HSBP1: variants seen among roughly 807,000 people sequenced by gnomAD.
HSBP1 encodes the protein heat shock factor-binding protein 1.
A neutral mutation model predicts 9.6 loss-of-function variants in HSBP1; 5 were observed. The ratio of observed to expected loss-of-function variants is 0.52; its 90% CI spans 0.27 to 1.09. The LOEUF (loss-of-function observed/expected upper bound fraction) is 1.09, where lower values mean the gene tolerates loss of function less well. Ranked by LOEUF, HSBP1 falls within the 50% of genes least tolerant of loss-of-function variation. The probability of loss-of-function intolerance (pLI) is 0.11; values close to 1 mark genes in which losing one functional copy is unlikely to be tolerated. For missense variants in HSBP1, 121 were observed against 96.3 expected, an observed-to-expected ratio of 1.26 and a Z score of -1.07; for synonymous variants, 42 against 33.3, an observed-to-expected ratio of 1.26 and a Z score of -0.90.
chr16:83,808,388 C>G, intron 1 of HSBP1: 1 of 556,300 alleles, frequency 1.8e-6, no homozygotes, highest in East Asian at 3.1e-5. Context: ...CTCCCGCCTA[C>G]CTCTGACACC....
At position 83,812,278 on chromosome 16, in the gene HSBP1, A is replaced by G. The variant is rs573475645; in HGVS notation, c.*860A>G. The G allele has an allele frequency of 1.3e-4, 20 of 152,720 alleles. No homozygotes were observed. The highest frequency in any genetic ancestry group is 5.9e-5 in the Non-Finnish European group (4 of 68,034). The allele number at this position is 152,720 out of a possible 1,614,324, so 9.5% of individuals were successfully genotyped here. On this transcript the variant is annotated 3_prime_UTR_variant, in exon 4 of 4. Transcript: ENST00000433866. ...AAGGAAAAGAGACCATATTAAGTCC[A>G]TGCCAGTTGCTTGGCTAGAATATGA... is the stretch of plus-strand genomic sequence containing the variant.
rs1904600113 is a variant in HSBP1 at position 83,811,492 on chromosome 16, A to G, written c.*74A>G. On this transcript the variant is annotated 3_prime_UTR_variant, in exon 4 of 4. Transcript: ENST00000433866. ...GAAGATCGAATGGCTTTTTGCAGCT[A>G]ACTACTATGTGTAGACAGGTTTTAT... The G allele has an allele frequency of 6.6e-6, 1 of 152,230 alleles. No homozygotes were observed. The highest frequency in any genetic ancestry group is 1.5e-5 in the Non-Finnish European group (1 of 68,036). 9.4% of individuals were successfully genotyped at this position (152,230 alleles called of 1,614,324 possible). A position where few individuals can be genotyped will look rare whatever the true frequency, so the allele number is the denominator to read the frequency against.
chr16:83,811,354 C>T (rs1290810016), intron 3 of HSBP1, 67 bp from the exon 4 acceptor site: 1 of 152,180 alleles, frequency 6.6e-6, no homozygotes, highest in Non-Finnish European at 1.5e-5. Flanking sequence ...GTTGATAGGT[C>T]TATATGTCAT....
rs999169620 is a variant in HSBP1, at chr16:83,818,407, C to T, written c.*6989C>T. 1.3e-5 allele frequency: 2 copies of T among 152,202 alleles called. No individual in the cohort carries two copies. Among genetic ancestry groups the T allele is most frequent in the South Asian group, 4.1e-4 (2 of 4,830 alleles). 9.4% of individuals were successfully genotyped at this position (152,202 alleles called of 1,614,324 possible). A position where few individuals can be genotyped will look rare whatever the true frequency, so the allele number is the denominator to read the frequency against. ...GTTCCCTGCCATCCACTCTGCCAGACATTTCTTGGATTTATTCAAGCTGAC... is the reference window on the plus strand; with the variant it reads ...GTTCCCTGCCATCCACTCTGCCAGATATTTCTTGGATTTATTCAAGCTGAC... On this transcript the variant is annotated 3_prime_UTR_variant, in exon 4 of 4. Coordinates refer to ENST00000433866, the MANE Select transcript of HSBP1 (RefSeq NM_001537.4).
In HSBP1 at chr16:83,812,375, T is replaced by G. The variant is rs180677200; in HGVS notation, c.*957T>G. On this transcript the variant is annotated 3_prime_UTR_variant, in exon 4 of 4. Coordinates refer to ENST00000433866, the MANE Select transcript of HSBP1 (RefSeq NM_001537.4). Reference sequence around the variant, plus strand: ...TTAAACTGTTTCTTATCTAAATTCTTGCAGAGTGTCAATGTTATCATTGAT... The same window carrying G: ...TTAAACTGTTTCTTATCTAAATTCTGGCAGAGTGTCAATGTTATCATTGAT... 2.6e-3 allele frequency: 393 copies of G among 152,318 alleles called. 1 individual carries two copies. Among genetic ancestry groups the G allele is most frequent in the African/African-American group, 9.0e-3 (373 of 41,544 alleles). 9.4% of individuals were successfully genotyped at this position (152,318 alleles called of 1,614,324 possible).
rs750709423 is a variant in HSBP1, at chr16:83,815,705, T to C, written c.*4287T>C. On this transcript the variant is annotated 3_prime_UTR_variant, in exon 4 of 4. Transcript: ENST00000433866. ...GCTGTCTCATCAACAGAGCTTCATTTTACCAAAGCATATGTAGACACCACA... is the reference window on the plus strand; with the variant it reads ...GCTGTCTCATCAACAGAGCTTCATTCTACCAAAGCATATGTAGACACCACA... The C allele has an allele frequency of 1.3e-5, 2 of 152,164 alleles. No homozygotes were observed. The highest frequency in any genetic ancestry group is 1.5e-5 in the Non-Finnish European group (1 of 68,026). The allele number at this position is 152,164 out of a possible 1,614,324, so 9.4% of individuals were successfully genotyped here.
Position 83,816,432 on chromosome 16 carries a change from T to C in HSBP1, c.*5014T>C, listed in dbSNP as rs999571148. The C allele has an allele frequency of 2.0e-5, 3 of 151,922 alleles. No individual in the cohort carries two copies. The highest frequency in any genetic ancestry group is 4.4e-5 in the Non-Finnish European group (3 of 67,980). The allele number at this position is 151,922 out of a possible 1,614,324, so 9.4% of individuals were successfully genotyped here. On this transcript the variant is annotated 3_prime_UTR_variant, in exon 4 of 4. Transcript: ENST00000433866. ...AAAAAACAAAAAAATAAATAAAAAA[T>C]AAAAAGACCCAACCCCAGATTTGTT...
At position 83,817,482 on chromosome 16, in the gene HSBP1, C is replaced by A. The variant is rs1389814310; in HGVS notation, c.*6064C>A. ...CTGCTTTCACCTGTATCATCTCATT[C>A]ACTGCTCAGAGGCTCTCGAAAGCTG... On this transcript the variant is annotated 3_prime_UTR_variant, in exon 4 of 4. Transcript: ENST00000433866. The A allele has an allele frequency of 6.6e-6, 1 of 152,168 alleles. No individual in the cohort carries two copies. The highest frequency in any genetic ancestry group is 1.5e-5 in the Non-Finnish European group (1 of 68,026). 9.4% of individuals were successfully genotyped at this position (152,168 alleles called of 1,614,324 possible).
Position 83,814,399 on chromosome 16 carries a change from AATG to A in HSBP1, c.*2986_*2988del, listed in dbSNP as rs1268259597. 3 of 152,332 alleles carry A rather than the reference AATG, an allele frequency of 2.0e-5. No individual in the cohort carries two copies. The highest frequency in any genetic ancestry group is 2.1e-4 in the South Asian group (1 of 4,840). 9.4% of individuals were successfully genotyped at this position (152,332 alleles called of 1,614,324 possible). On this transcript the variant is annotated 3_prime_UTR_variant, in exon 4 of 4. Coordinates refer to ENST00000433866, the MANE Select transcript of HSBP1 (RefSeq NM_001537.4). ...TCAGGGGCACAAGGTCACAGCTGGT[AATG>A]ATGACCCTGGAATGTCCTCACAGCT...
intron 3 of HSBP1, among the ~76,000 whole-genome samples, chr16:83,810,457 C>T (rs1327573960): frequency 1.5e-5 from 2 of 134,778 alleles, no homozygotes; most frequent in African/African-American, 2.8e-5. Context: ...CTGAGGGAGG[C>T]GGAGGTTGCA....
At chr16:83,808,189 A>G (rs967965861) in intron 1 of HSBP1, 68 bp downstream of exon 1, 23 of 1,347,384 alleles carry the variant, frequency 1.7e-5, no homozygotes, top group Non-Finnish European at 2.2e-5. Flanking sequence ...GCCCTGCTGG[A>G]CAGAGGCGCG....
rs1430468558 is a variant in HSBP1 at position 83,819,173 on chromosome 16, TG to T, written c.*7759del. 2.6e-5 allele frequency: 4 copies of T among 152,154 alleles called. No individual in the cohort carries two copies. Among genetic ancestry groups the T allele is most frequent in the African/African-American group, 9.7e-5 (4 of 41,416 alleles). The allele number at this position is 152,154 out of a possible 1,614,324, so 9.4% of individuals were successfully genotyped here. A position where few individuals can be genotyped will look rare whatever the true frequency, so the allele number is the denominator to read the frequency against. ...AATATGTCTAAACCAAGAAGCCCCA[TG>T]GGGCACTGATTAGCATGCAGGTCCC... is the stretch of plus-strand genomic sequence containing the variant. On this transcript the variant is annotated 3_prime_UTR_variant, in exon 4 of 4. Coordinates refer to ENST00000433866, the MANE Select transcript of HSBP1 (RefSeq NM_001537.4).
At chr16:83,808,930 T>C (rs959360812) in intron 2 of HSBP1, among the ~76,000 whole-genome samples, 184 bp downstream of exon 2, 20 of 152,196 alleles carry the variant, frequency 1.3e-4, no homozygotes, top group African/African-American at 4.6e-4. Flanking sequence ...TGAGTTAGAC[T>C]CCTGGCTCAA....
At position 83,813,322 on chromosome 16, in the gene HSBP1, CTG is replaced by C. The variant is rs1275689165; in HGVS notation, c.*1905_*1906del. The C allele has an allele frequency of 1.3e-5, 2 of 152,266 alleles. No homozygotes were observed. The highest frequency in any genetic ancestry group is 4.8e-5 in the African/African-American group (2 of 41,448). The allele number at this position is 152,266 out of a possible 1,614,324, so 9.4% of individuals were successfully genotyped here. On this transcript the variant is annotated 3_prime_UTR_variant, in exon 4 of 4. Transcript: ENST00000433866. ...TGAAGAAATTAGCATATTAAAGACT[CTG>C]AAAGTAGAGCAGAGAACTCAGCTTT...
chr16:83,812,374 T>C lies in HSBP1; in HGVS notation c.*956T>C, dbSNP rs1244282253. 1 of 152,218 alleles carries C rather than the reference T, an allele frequency of 6.6e-6. No homozygotes were observed. The highest frequency in any genetic ancestry group is 2.4e-5 in the African/African-American group (1 of 41,434). The allele number at this position is 152,218 out of a possible 1,614,324, so 9.4% of individuals were successfully genotyped here. On this transcript the variant is annotated 3_prime_UTR_variant, in exon 4 of 4. Transcript: ENST00000433866. ...CTTAAACTGTTTCTTATCTAAATTC[T>C]TGCAGAGTGTCAATGTTATCATTGA...
intron 3 of HSBP1, among the ~76,000 whole-genome samples, chr16:83,810,268 A>G (rs1268164453): frequency 6.6e-6 from 1 of 152,172 alleles, no homozygotes; most frequent in African/African-American, 2.4e-5. Context: ...ATAGTTTCAG[A>G]TGTCAGAGGA....
rs1904616131 is a variant in HSBP1 at position 83,812,203 on chromosome 16, A to G, written c.*785A>G. The G allele has an allele frequency of 6.5e-6, 1 of 152,680 alleles. No individual in the cohort carries two copies. 9.5% of individuals were successfully genotyped at this position (152,680 alleles called of 1,614,324 possible). Reference sequence around the variant, plus strand: ...ACCATAAAAAATCTGGCAGGATTTTAAAACTCAATCAGTCTTTCCTTTGAG... The same window carrying G: ...ACCATAAAAAATCTGGCAGGATTTTGAAACTCAATCAGTCTTTCCTTTGAG... On this transcript the variant is annotated 3_prime_UTR_variant, in exon 4 of 4. Coordinates refer to ENST00000433866, the MANE Select transcript of HSBP1 (RefSeq NM_001537.4).
intron 1 of HSBP1, 157 bp from the exon 2 acceptor site, chr16:83,808,523 A>G: frequency 1.6e-6 from 1 of 611,450 alleles, no homozygotes; most frequent in Non-Finnish European, 2.9e-6. Flanking sequence ...CAGGTTGGAA[A>G]ACGGAAGCCC....
rs1267634114 is a variant in HSBP1 at position 83,811,870 on chromosome 16, G to A, written c.*452G>A. 1 of 152,186 alleles carries A rather than the reference G, an allele frequency of 6.6e-6. No individual in the cohort carries two copies. The highest frequency in any genetic ancestry group is 1.5e-5 in the Non-Finnish European group (1 of 68,022). The allele number at this position is 152,186 out of a possible 1,614,324, so 9.4% of individuals were successfully genotyped here. On this transcript the variant is annotated 3_prime_UTR_variant, in exon 4 of 4. Transcript: ENST00000433866. The stretch of plus-strand genomic sequence containing the variant: ...TAATTCTTGGCACAACGTGACTGTT[G>A]AGCTAACACCAAATAGTGTGTTGGC...
Sources: allele counts gnomAD v4.1 joint callset (sites outside exome capture counted in the v4.1 genomes callset), GRCh38; gene constraint gnomAD v4.1.1; transcripts MANE v1.5; gene names NCBI Gene and HGNC (gene_info 2026-07-23, HGNC 2026-07-21).